Variants in TK2 observed in about 807,000 individuals in gnomAD.
TK2 encodes the protein thymidine kinase 2.
TK2 carries 35 observed loss-of-function variants against 41.9 expected under a neutral mutation model. The ratio of observed to expected loss-of-function variants is 0.84; its 90% CI spans 0.64 to 1.11. The LOEUF is 1.11. Ranked by LOEUF, TK2 falls within the 50% of genes least tolerant of loss-of-function variation. The pLI is 0.00. For missense variants in TK2, 320 were observed against 351.1 expected (o/e 0.91, Z 0.71); for synonymous variants, 128 against 129.1 (o/e 0.99, Z 0.06).
Position 66,519,340 on chromosome 16 carries a change from G to A in TK2, c.450-1463C>T, listed in dbSNP as rs560356197. Among the ~76,000 whole-genome samples the A allele has an allele frequency of 3.3e-5, 5 of 152,180 alleles. No individual in the cohort carries two copies. The South Asian group carries it at 1.0e-3, about 32-fold the overall frequency. Reference sequence around the variant, plus strand: ...ACTACAGGTGTGCGCCACCATGCCTGGCTAATTTTTGTATTTTTAGTAGAC... The same window carrying A: ...ACTACAGGTGTGCGCCACCATGCCTAGCTAATTTTTGTATTTTTAGTAGAC... On this transcript the variant is annotated intron_variant, in intron 6 of 9. Transcript: ENST00000544898.
intron 6 of TK2, among the ~76,000 whole-genome samples, chr16:66,528,606 T>C (rs1260229262): frequency 1.3e-5 from 2 of 152,198 alleles, no homozygotes; most frequent in Non-Finnish European, 2.9e-5. Context: ...ATCTCTGCTG[T>C]TGCTTCTACC....
At chr16:66,530,418 T>C (rs1401660571) in intron 5 of TK2, among the ~76,000 whole-genome samples, 1 of 152,174 alleles carries the variant, frequency 6.6e-6, no homozygotes, top group Non-Finnish European at 1.5e-5. Context: ...TCTAGATGCA[T>C]CCTCACTGAT....
chr16:66,527,931 C>A (rs1396131186), intron 6 of TK2, among the ~76,000 whole-genome samples: 1 of 152,146 alleles, frequency 6.6e-6, no homozygotes, highest in African/African-American at 2.4e-5. Context: ...ACTCGGGAGG[C>A]TGAGGCAGGA....
At chr16:66,512,834 C>T (rs1320510166) in intron 9 of TK2, among the ~76,000 whole-genome samples, 1 of 152,142 alleles carries the variant, frequency 6.6e-6, no homozygotes, top group African/African-American at 2.4e-5. Flanking sequence ...TTCCGGCAAC[C>T]TCACTGCCTG....
chr16:66,533,960 A>C (rs1375235976), intron 4 of TK2, among the ~76,000 whole-genome samples: 1 of 142,266 alleles, frequency 7.0e-6, no homozygotes, highest in Non-Finnish European at 1.5e-5. Flanking sequence ...GTGAGCCGAG[A>C]TCGCGCCACT....
At position 66,514,782 on chromosome 16, in the gene TK2, A is replaced by G. The variant is rs1181320629; in HGVS notation, c.619-971T>C. 2.6e-5 allele frequency among the ~76,000 whole-genome samples: 4 copies of G among 152,188 alleles called. No individual in the cohort carries two copies. Among genetic ancestry groups the G allele is most frequent in the African/African-American group, 9.6e-5 (4 of 41,456 alleles). ...CAGATTGTTACTGTGTCTGTGTAGA[A>G]AGAAGTAGACATAGGAGACTCCATT... On this transcript the variant is annotated intron_variant, in intron 8 of 9. Coordinates refer to ENST00000544898, the MANE Select transcript of TK2 (RefSeq NM_004614.5). This position sits in a 1 kb window ranked among gnomAD's most constrained non-coding sequence, Gnocchi z 4.2.
intron 2 of TK2, among the ~76,000 whole-genome samples, chr16:66,547,604 AC>A (rs1449852109): frequency 6.7e-6 from 1 of 149,896 alleles, no homozygotes; most frequent in Non-Finnish European, 1.5e-5. Flanking sequence ...CAGCCCCCCT[AC>A]TCACAGCCAC....
chr16:66,514,834 T>C lies in TK2; in HGVS notation c.619-1023A>G, dbSNP rs1166928034. On this transcript the variant is annotated intron_variant, in intron 8 of 9. Transcript: ENST00000544898. The surrounding 1 kb of genome is among the most constrained non-coding windows in gnomAD (Gnocchi z 4.2). The stretch of plus-strand genomic sequence containing the variant: ...TGTTCTGTACTAAGAAAAATTCTTC[T>C]GCCTTGGGATGCTGTTAGTCTATAA... Among the ~76,000 whole-genome samples the C allele has an allele frequency of 6.6e-6, 1 of 152,260 alleles. No homozygotes were observed. Among genetic ancestry groups the C allele is most frequent in the African/African-American group, 2.4e-5 (1 of 41,468 alleles).
At position 66,549,225 on chromosome 16, in the gene TK2, T is replaced by A; in HGVS notation, c.125-216A>T. 4 of 1,423,476 alleles carry A rather than the reference T, an allele frequency of 2.8e-6. No homozygotes were observed. The Admixed American group carries it at 1.2e-4, about 42-fold the overall frequency. 88.2% of individuals were successfully genotyped at this position (1,423,476 alleles called of 1,614,324 possible). On this transcript the variant is annotated intron_variant, in intron 1 of 9. Transcript: ENST00000544898. Reference sequence around the variant, plus strand: ...GCTGCAGCTTCGTGGACCCCCAGTGTGCTCGAGTTCTTTCACTTAGTACAT... The same window carrying A: ...GCTGCAGCTTCGTGGACCCCCAGTGAGCTCGAGTTCTTTCACTTAGTACAT...
chr16:66,532,605 GAA>G (rs112033316), intron 4 of TK2, among the ~76,000 whole-genome samples: 1 of 144,956 alleles, frequency 6.9e-6, no homozygotes, highest in Non-Finnish European at 1.5e-5. Flanking sequence ...ACCCTGTCTC[GAA>G]AAAAAAAATA....
At position 66,519,840 on chromosome 16, in the gene TK2, G is replaced by A. The variant is rs1302288996; in HGVS notation, c.450-1963C>T. 2.6e-5 allele frequency among the ~76,000 whole-genome samples: 4 copies of A among 152,204 alleles called. No homozygotes were observed. In the East Asian group the frequency reaches 5.8e-4, roughly 22 times the overall value. Reference sequence around the variant, plus strand: ...ATGGGAGGCTCTCAGTGGGGAGGGGGCAGGGAGGGGCTGACTCCAGTCCCA... The same window carrying A: ...ATGGGAGGCTCTCAGTGGGGAGGGGACAGGGAGGGGCTGACTCCAGTCCCA... On this transcript the variant is annotated intron_variant, in intron 6 of 9. Coordinates refer to ENST00000544898, the MANE Select transcript of TK2 (RefSeq NM_004614.5).
intron 3 of TK2, among the ~76,000 whole-genome samples, chr16:66,537,816 G>T (rs893103649): frequency 6.6e-6 from 1 of 152,192 alleles, no homozygotes; most frequent in South Asian, 2.1e-4. Context: ...CATGTGAGAA[G>T]GGGCCATAGG....
chr16:66,534,809 C>T (rs1276864780), intron 4 of TK2, among the ~76,000 whole-genome samples: 2 of 152,202 alleles, frequency 1.3e-5, no homozygotes, highest in African/African-American at 4.8e-5. Flanking sequence ...TGCTAAGAAA[C>T]CTGTTCTGCT....
chr16:66,550,175 G>C (rs554385720), upstream of TK2: 1 of 1,612,542 alleles, frequency 6.2e-7, no homozygotes, highest in African/African-American at 1.3e-5. Flanking sequence ...CCCTTAAAGA[G>C]ACCCGGTCGC....
intron 6 of TK2, among the ~76,000 whole-genome samples, chr16:66,526,870 C>T (rs9924301): frequency 0.061 from 9,314 of 152,320 alleles, 932 homozygotes; most frequent in African/African-American, 0.21. Flanking sequence ...ACCCCACTGC[C>T]AAGATCTGTT....
At position 66,514,157 on chromosome 16, in the gene TK2, C is replaced by T. The variant is rs1405184106; in HGVS notation, c.619-346G>A. Among the ~76,000 whole-genome samples the T allele has an allele frequency of 6.6e-6, 1 of 151,984 alleles. No individual in the cohort carries two copies. Among genetic ancestry groups the T allele is most frequent in the Non-Finnish European group, 1.5e-5 (1 of 67,966 alleles). On this transcript the variant is annotated intron_variant, in intron 8 of 9. Transcript: ENST00000544898. The surrounding 1 kb of genome is among the most constrained non-coding windows in gnomAD (Gnocchi z 4.2). ...CTCCCTCTCCCCTTTGCACGGTTTCCCTCTGATGCCCAGCCGAGGCTGGAC... is the reference window on the plus strand; with the variant it reads ...CTCCCTCTCCCCTTTGCACGGTTTCTCTCTGATGCCCAGCCGAGGCTGGAC...
Position 66,513,730 on chromosome 16 carries a change from C to A in TK2, c.699+1G>T. The A allele has an allele frequency of 6.2e-7, 1 of 1,613,880 alleles. No homozygotes were observed. The highest frequency in any genetic ancestry group is 8.5e-7 in the Non-Finnish European group (1 of 1,179,918). On this transcript the variant is annotated splice_donor_variant, in intron 9 of 9. Coordinates refer to ENST00000544898, the MANE Select transcript of TK2 (RefSeq NM_004614.5). LOFTEE classifies it high-confidence loss of function. ...GTACCCTGTAAGGGAGTCTTACTTA[C>A]CAGAACAGGGGCTGCCATGGGGAAA...
intron 6 of TK2, among the ~76,000 whole-genome samples, chr16:66,527,143 T>C (rs994241777): frequency 6.6e-6 from 1 of 152,106 alleles, no homozygotes; most frequent in African/African-American, 2.4e-5. Context: ...GAAACCCAGG[T>C]TGTCAGGTGA....
At chr16:66,520,683 TGC>T (rs1964755604) in intron 6 of TK2, among the ~76,000 whole-genome samples, 1 of 152,282 alleles carries the variant, frequency 6.6e-6, no homozygotes, top group East Asian at 1.9e-4. Context: ...ACGAACAGGA[TGC>T]ACAGTAGCAA....
Sources: gnomAD v4.1 joint callset for allele counts (sites outside exome capture counted in the v4.1 genomes callset) on GRCh38, gnomAD v4.1.1 for gene constraint, Gnocchi (gnomAD v3.1) non-coding constraint, MANE v1.5 for transcripts, NCBI Gene and HGNC (gene_info 2026-07-23, HGNC 2026-07-21) for gene names.